The following DLG1 variants were observed in gnomAD, a reference collection of about 807,000 sequenced individuals.
DLG1 encodes discs large MAGUK scaffold protein 1, also known as disks large homolog 1.
Under a neutral mutation model 123.4 loss-of-function variants are expected in DLG1, and 42 were observed. The observed-to-expected ratio is 0.34, with a 90% CI of 0.27 to 0.44. The LOEUF is 0.44. DLG1 is among the 20% of genes least tolerant of loss of function. The pLI, the probability that DLG1 is intolerant of heterozygous loss-of-function variation, is 1.00. For missense variants in DLG1, 942 were observed against 1,082.6 expected, an observed-to-expected ratio of 0.87 and a Z score of 1.82; for synonymous variants, 317 against 356.2, an observed-to-expected ratio of 0.89 and a Z score of 1.24.
chr3:197,099,922 C>T (rs989662945), intron 14 of DLG1, among the ~76,000 whole-genome samples: 2 of 152,122 alleles, frequency 1.3e-5, no homozygotes, highest in Admixed American at 6.5e-5. Context: ...CAGAACCCCA[C>T]GTATACCAAA....
At chr3:197,072,562 T>C (rs762530082) in intron 18 of DLG1, among the ~76,000 whole-genome samples, 1 of 152,220 alleles carries the variant, frequency 6.6e-6, no homozygotes, top group South Asian at 2.1e-4. Flanking sequence ...TGCCCAGTTT[T>C]CTAATGGAGA....
chr3:197,285,989 G>A (rs911712520), intron 3 of DLG1, among the ~76,000 whole-genome samples: 38 of 152,180 alleles, frequency 2.5e-4, no homozygotes, highest in Non-Finnish European at 5.0e-4. Context: ...TTCTTTAACA[G>A]GTGAGTAGAT....
At chr3:197,229,775 T>C (rs561717910) in intron 4 of DLG1, among the ~76,000 whole-genome samples, 83 of 152,358 alleles carry the variant, frequency 5.4e-4, no homozygotes, top group Non-Finnish European at 9.6e-4. Context: ...AAATCATACC[T>C]TAACAAGCGT....
chr3:197,117,058 T>C (rs1379467146), intron 12 of DLG1, among the ~76,000 whole-genome samples: 1 of 152,264 alleles, frequency 6.6e-6, no homozygotes, highest in South Asian at 2.1e-4. Context: ...TACACTCTGA[T>C]TTTCAAATAA....
At chr3:197,075,350 C>G (rs1271281235) in intron 18 of DLG1, among the ~76,000 whole-genome samples, 3 of 132,158 alleles carry the variant, frequency 2.3e-5, no homozygotes, top group African/African-American at 2.7e-5. Flanking sequence ...AAGAGATACA[C>G]AACCTATCCC....
At chr3:197,066,624 G>T in intron 20 of DLG1, 80 bp downstream of exon 20, 4 of 1,052,490 alleles carry the variant, frequency 3.8e-6, no homozygotes, top group Admixed American at 2.3e-5. Flanking sequence ...AACATTTTTT[G>T]GGGTATGAGA....
At chr3:197,148,968 AAT>A (rs1792527899) in intron 6 of DLG1, among the ~76,000 whole-genome samples, 1 of 152,166 alleles carries the variant, frequency 6.6e-6, no homozygotes, top group Non-Finnish European at 1.5e-5. Context: ...TTGATAACAT[AAT>A]GTTTAAGATG....
chr3:197,075,610 C>T (rs1410662652), intron 18 of DLG1, among the ~76,000 whole-genome samples: 1 of 151,842 alleles, frequency 6.6e-6, no homozygotes, highest in Non-Finnish European at 1.5e-5. Flanking sequence ...AATATAGTTA[C>T]GAGCAAGAGA....
rs1445894831 is a variant in DLG1 at position 197,138,275 on chromosome 3, C to T, written c.830G>A (p.Arg277Lys). 6.2e-7 allele frequency: 1 copy of T among 1,603,496 alleles called. No individual in the cohort carries two copies. Among genetic ancestry groups the T allele is most frequent in the Middle Eastern group, 1.7e-4 (1 of 6,024 alleles). Residue 277 changes from arginine to lysine, a missense_variant, in exon 9 of 25, where the codon AGG becomes AAG. Coordinates refer to ENST00000667157, the MANE Select transcript of DLG1 (RefSeq NM_001366207.1). ...CATTATTTTTTCTGACACTGGTTTC[C>T]TTCTTTTTACATACAAGCGTACAAT... ...GSIVRLYVKR[R>K]KPVSEKIMEI... is the part of the protein sequence containing the mutation.
intron 3 of DLG1, among the ~76,000 whole-genome samples, chr3:197,284,473 A>C (rs1190175592): frequency 6.6e-6 from 1 of 152,210 alleles, no homozygotes; most frequent in African/African-American, 2.4e-5. Flanking sequence ...CTATGCAAAA[A>C]TTTAACTTGA....
chr3:197,056,203 G>A (rs148818184), intron 23 of DLG1, among the ~76,000 whole-genome samples: 209 of 152,240 alleles, frequency 1.4e-3, no homozygotes, highest in African/African-American at 4.6e-3. Flanking sequence ...TGCAGTTGTC[G>A]TCTGGGTGGG....
intron 23 of DLG1, 113 bp from the exon 24 acceptor site, chr3:197,051,781 C>T: frequency 1.4e-6 from 1 of 700,650 alleles, no homozygotes. Context: ...TTGAACTCTG[C>T]TGAAAATATG....
chr3:197,169,144 C>T (rs1474177293), intron 5 of DLG1, among the ~76,000 whole-genome samples: 1 of 152,162 alleles, frequency 6.6e-6, no homozygotes, highest in Non-Finnish European at 1.5e-5. Flanking sequence ...TACATACAGC[C>T]ATTTGCATCT....
intron 4 of DLG1, among the ~76,000 whole-genome samples, chr3:197,278,721 A>G (rs1354940587): frequency 6.6e-6 from 1 of 152,142 alleles, no homozygotes; most frequent in African/African-American, 2.4e-5. Flanking sequence ...ACCTGGCAAG[A>G]ATTAGATCAG....
At chr3:197,076,954 C>T (rs1266229838) in intron 17 of DLG1, among the ~76,000 whole-genome samples, 2 of 152,148 alleles carry the variant, frequency 1.3e-5, no homozygotes, top group East Asian at 1.9e-4. Flanking sequence ...AAATCAGTTA[C>T]TACTACAGTA....
intron 5 of DLG1, among the ~76,000 whole-genome samples, chr3:197,180,631 G>A (rs1267733370): frequency 6.6e-6 from 1 of 152,158 alleles, no homozygotes; most frequent in African/African-American, 2.4e-5. Context: ...ATAAAACTGA[G>A]AGACAGTGTG....
In DLG1 at chr3:197,143,984, C is replaced by T. The variant is rs563979330; in HGVS notation, c.538-1216G>A. Among the ~76,000 whole-genome samples, 3 of 152,292 alleles carry T rather than the reference C, an allele frequency of 2.0e-5. No homozygotes were observed. The South Asian group carries it at 6.2e-4, about 32-fold the overall frequency. The stretch of plus-strand genomic sequence containing the variant: ...CAGATGAACATGGGTTTGAATCCTT[C>T]CTTTAAAATTTCTCGTGATATGAGG... On this transcript the variant is annotated intron_variant, in intron 6 of 24. Coordinates refer to ENST00000667157, the MANE Select transcript of DLG1 (RefSeq NM_001366207.1).
intron 5 of DLG1, among the ~76,000 whole-genome samples, chr3:197,186,627 T>C (rs1468012555): frequency 1.3e-5 from 2 of 152,226 alleles, no homozygotes; most frequent in African/African-American, 4.8e-5. Flanking sequence ...CAATATTAAA[T>C]GGTAATAAAA....
At chr3:197,272,974 T>C (rs188380136) in intron 4 of DLG1, among the ~76,000 whole-genome samples, 1 of 152,308 alleles carries the variant, frequency 6.6e-6, no homozygotes, top group Non-Finnish European at 1.5e-5. Flanking sequence ...GATATTTTCA[T>C]AGACTTGTAC....
Sources: gnomAD v4.1 joint callset for allele counts (sites outside exome capture counted in the v4.1 genomes callset) on GRCh38, gnomAD v4.1.1 for gene constraint, MANE v1.5 for transcripts, NCBI Gene and HGNC (gene_info 2026-07-23, HGNC 2026-07-21) for gene names.